The following DDX50 variants were observed in gnomAD, a reference collection of about 807,000 sequenced individuals.
The protein encoded by DDX50 is DExD-box helicase 50.
DDX50 carries 56 observed loss-of-function variants against 94.8 expected under a neutral mutation model. That is an observed-to-expected ratio of 0.59 (90% CI 0.48 to 0.74). The LOEUF (loss-of-function observed/expected upper bound fraction) is 0.74. Among genes scored for constraint, DDX50 ranks in the 30% least tolerant of loss-of-function variants. DDX50 has a pLI of 0.00. For missense variants in DDX50, 713 were observed against 881.2 expected, an observed-to-expected ratio of 0.81 and a Z score of 2.42; for synonymous variants, 264 against 295.4, an observed-to-expected ratio of 0.89 and a Z score of 1.09.
chr10:68,946,468 T>C lies in DDX50; in HGVS notation c.2052T>C (p.Ser684=). Residue 684 remains serine, a synonymous_variant, in exon 15 of 15, where the codon AGT becomes AGC. Transcript: ENST00000373585. The stretch of plus-strand genomic sequence containing the variant: ...CCAGACAGAGGAGTGGCTGGTCAAG[T>C]GGTCGATCAGGCCGGTCAGGCCGGT... ...SNSRQRSGWS[S]GRSGRSGRSG... The C allele has an allele frequency of 1.2e-6, 2 of 1,614,158 alleles. No individual in the cohort carries two copies. Among genetic ancestry groups the C allele is most frequent in the Non-Finnish European group, 1.7e-6 (2 of 1,180,020 alleles).
chr10:68,907,317 CT>C (rs59316500), intron 2 of DDX50, among the ~76,000 whole-genome samples: 150 of 130,482 alleles, frequency 1.1e-3, no homozygotes, highest in African/African-American at 2.5e-3. Context: ...TTTCTTTTTT[CT>C]TTTTTTTTTT....
chr10:68,941,186 G>C lies in DDX50; in HGVS notation c.1882G>C (p.Gly628Arg). 6.2e-7 allele frequency: 1 copy of C among 1,612,082 alleles called. No individual in the cohort carries two copies. The highest frequency in any genetic ancestry group is 8.5e-7 in the Non-Finnish European group (1 of 1,179,490). The change falls in exon 13 of 15, where the codon GGA (glycine) becomes CGA (arginine). Residue 628 changes from glycine to arginine, a missense_variant. By Grantham distance (125) the Gly-to-Arg change is moderately radical. Coordinates refer to ENST00000373585, the MANE Select transcript of DDX50 (RefSeq NM_024045.2). Reference sequence around the variant, plus strand: ...GATTACCAGAATGTGCCTCCTGAAAGGAAATATGGTAGGCTTTTCCAGACA... The same window carrying C: ...GATTACCAGAATGTGCCTCCTGAAACGAAATATGGTAGGCTTTTCCAGACA... ...SQITRMCLLK[G>R]NMGVCFDVPT...
rs995232744 is a variant in DDX50 at position 68,936,046 on chromosome 10, A to C, written c.1562A>C (p.Asp521Ala). ...CGTGTAGGTGTTCCTTCTACAATGG[A>C]TTTAGTTAAATCTAAAAGCATGGAT... ...FKRVGVPSTM[D>A]LVKSKSMDAI... Residue 521 changes from aspartate (D) to alanine (A), a missense_variant, in exon 11 of 15, where the codon GAT becomes GCT. This residue lies in a region of DDX50 where 428 missense variants were observed against 602.3 expected (regional missense o/e 0.71). Transcript: ENST00000373585. 1 of 1,610,438 alleles carries C rather than the reference A, an allele frequency of 6.2e-7. No homozygotes were observed. The highest frequency in any genetic ancestry group is 8.5e-7 in the Non-Finnish European group (1 of 1,178,776).
intron 12 of DDX50, 84 bp downstream of exon 12, chr10:68,937,179 T>G (rs1268879202): frequency 7.3e-7 from 1 of 1,369,608 alleles, no homozygotes; most frequent in African/African-American, 1.5e-5. Context: ...TATTGTGCTT[T>G]TTGTGCAGAA....
At chr10:68,941,789 G>A (rs190757799) in intron 13 of DDX50, among the ~76,000 whole-genome samples, 443 of 152,048 alleles carry the variant, frequency 2.9e-3, no homozygotes, top group African/African-American at 0.01. Context: ...ACAGGTGCCC[G>A]CCACTATGCC....
At chr10:68,923,744 A>G (rs1842002781) in intron 8 of DDX50, among the ~76,000 whole-genome samples, 1 of 151,294 alleles carries the variant, frequency 6.6e-6, no homozygotes, top group South Asian at 2.1e-4. Context: ...GGGTTTCACC[A>G]TGTTGGGCAG....
At chr10:68,945,159 G>C (rs1842640802) in intron 14 of DDX50, among the ~76,000 whole-genome samples, 1 of 152,022 alleles carries the variant, frequency 6.6e-6, no homozygotes, top group African/African-American at 2.4e-5. Flanking sequence ...GTTTTTAAAT[G>C]TGATTGCTTG....
chr10:68,924,851 A>G (rs535693655), intron 8 of DDX50, among the ~76,000 whole-genome samples: 2 of 152,144 alleles, frequency 1.3e-5, no homozygotes, highest in South Asian at 2.1e-4. Context: ...GAAAGTTTTT[A>G]TAGGGCCCAG....
intron 12 of DDX50, 62 bp from the exon 13 acceptor site, chr10:68,940,998 T>G (rs1381827193): frequency 5.1e-6 from 8 of 1,558,790 alleles, no homozygotes; most frequent in Non-Finnish European, 6.1e-6. Context: ...ATTATAGAGT[T>G]AGAATTTCAT....
intron 8 of DDX50, among the ~76,000 whole-genome samples, chr10:68,925,680 C>G (rs1422332074): frequency 1.3e-5 from 2 of 152,014 alleles, no homozygotes; most frequent in Non-Finnish European, 2.9e-5. Context: ...TTGAGACCAG[C>G]CTGGGCAGCA....
chr10:68,922,806 T>TC (rs1841976093), intron 8 of DDX50, among the ~76,000 whole-genome samples: 1 of 150,384 alleles, frequency 6.6e-6, no homozygotes, highest in East Asian at 1.9e-4. Flanking sequence ...CTTTTTTTTT[T>TC]TTTTTTGAGA....
intron 4 of DDX50, chr10:68,911,849 G>A (rs1841634013): frequency 6.6e-6 from 1 of 152,094 alleles, no homozygotes; most frequent in South Asian, 2.1e-4. Context: ...TTTTATAAAT[G>A]TAAAATCAAC....
chr10:68,938,874 T>C (rs1488785042), intron 12 of DDX50, among the ~76,000 whole-genome samples: 1 of 152,244 alleles, frequency 6.6e-6, no homozygotes. Flanking sequence ...TGTTTTCTCA[T>C]CTTTTTAATT....
intron 8 of DDX50, among the ~76,000 whole-genome samples, chr10:68,929,251 CCCTTCCTT>C (rs748750747): frequency 1.3e-4 from 15 of 118,000 alleles, no homozygotes; most frequent in African/African-American, 4.2e-4. Flanking sequence ...CCAGCCTGGT[CCCTTCCTT>C]CCTTCCTTCC....
intron 3 of DDX50, among the ~76,000 whole-genome samples, 158 bp from the exon 4 acceptor site, chr10:68,910,910 A>AT (rs1285835545): frequency 6.6e-6 from 1 of 152,156 alleles, no homozygotes; most frequent in Non-Finnish European, 1.5e-5. Flanking sequence ...GTTTAGACTA[A>AT]TTTTTTAGTA....
In DDX50 at chr10:68,946,321, T is replaced by C. The variant is rs182116282; in HGVS notation, c.1936-31T>C. 3.8e-6 allele frequency: 6 copies of C among 1,565,212 alleles called. No individual in the cohort carries two copies. In the Admixed American group the frequency reaches 1.1e-4, roughly 30 times the overall value. ...GTTTGCTTATGGTTTCTATTTTGCATTTATATTAATCCTGTAAATTCCCCT... is the reference window on the plus strand; with the variant it reads ...GTTTGCTTATGGTTTCTATTTTGCACTTATATTAATCCTGTAAATTCCCCT... On this transcript the variant is annotated intron_variant, in intron 14 of 14. Transcript: ENST00000373585.
At chr10:68,933,293 C>T (rs1195842297) in intron 8 of DDX50, among the ~76,000 whole-genome samples, 1 of 152,100 alleles carries the variant, frequency 6.6e-6, no homozygotes, top group African/African-American at 2.4e-5. Context: ...TGGTCTCAAA[C>T]TCCTGACCTC....
At chr10:68,930,689 CTCTGTCCCCCAG>C (rs368098394) in intron 8 of DDX50, among the ~76,000 whole-genome samples, 10 of 152,292 alleles carry the variant, frequency 6.6e-5, no homozygotes, top group African/African-American at 2.4e-4. Context: ...CAGGGTCTCA[CTCTGTCCCCCAG>C]CCTGGAGTAC....
chr10:68,942,162 A>T (rs749838781), intron 13 of DDX50, among the ~76,000 whole-genome samples: 11 of 152,278 alleles, frequency 7.2e-5, no homozygotes, highest in Non-Finnish European at 1.3e-4. Flanking sequence ...GAGGACATGC[A>T]GTTTGGTTTT....
Sources: allele counts gnomAD v4.1 joint callset (sites outside exome capture counted in the v4.1 genomes callset), GRCh38; gene constraint gnomAD v4.1.1; regional missense constraint gnomAD v4.1.1; transcripts MANE v1.5; gene names NCBI Gene and HGNC (gene_info 2026-07-23, HGNC 2026-07-21).